Variants in ZFAT observed in about 807,000 individuals in gnomAD.
The protein encoded by ZFAT is zinc finger and AT-hook domain containing, also known as zinc finger protein ZFAT.
ZFAT carries 64 observed loss-of-function variants against 117.7 expected under a neutral mutation model. The observed-to-expected ratio is 0.54, with a 90% confidence interval of 0.44 to 0.67. The LOEUF is 0.67. ZFAT is among the 30% of genes least tolerant of loss of function. ZFAT has a pLI of 0.00. For synonymous variants in ZFAT, 679 were observed against 615.0 expected (o/e 1.10, Z -1.54); for missense variants, 1,433 against 1,584.5 (o/e 0.90, Z 1.62).
chr8:134,763,186 GAT>G, the ZFAT span, among the ~76,000 whole-genome samples: 2 of 152,162 alleles, frequency 1.3e-5, no homozygotes, highest in African/African-American at 4.8e-5. Context: ...ATGTATATCA[GAT>G]ATAACGATGT....
At chr8:134,769,736 G>A in the ZFAT span, among the ~76,000 whole-genome samples, 4 of 152,044 alleles carry the variant, frequency 2.6e-5, no homozygotes, top group Admixed American at 6.6e-5. Context: ...CATGAGCCAC[G>A]CCTCCCCCCA....
intron 12 of ZFAT, among the ~76,000 whole-genome samples, chr8:134,523,987 G>T (rs972846278): frequency 6.6e-6 from 1 of 152,138 alleles, no homozygotes; most frequent in Admixed American, 6.5e-5. Context: ...CACCTTCCTA[G>T]AGCGGGAACT....
intron 15 of ZFAT, among the ~76,000 whole-genome samples, chr8:134,500,881 GTATGAGAACACTTT>G (rs1395514004): frequency 6.6e-6 from 1 of 152,196 alleles, no homozygotes; most frequent in Non-Finnish European, 1.5e-5. Flanking sequence ...GGAATGCCAA[GTATGAGAACACTTT>G]TAAGAGGCTA....
chr8:134,608,941 C>A, intron 4 of ZFAT, 62 bp from the exon 5 acceptor site: 1 of 1,545,962 alleles, frequency 6.5e-7, no homozygotes, highest in African/African-American at 1.4e-5. Flanking sequence ...CTGACCCCAT[C>A]GCAGCAGAGG....
At chr8:134,819,492 T>TCC in the ZFAT span, among the ~76,000 whole-genome samples, 3 of 52,420 alleles carry the variant, frequency 5.7e-5, no homozygotes, top group Admixed American at 1.5e-4. Context: ...CTGCCGGATT[T>TCC]ACCACCCCCC....
chr8:134,534,683 G>A (rs79749018), intron 11 of ZFAT, among the ~76,000 whole-genome samples: 385 of 147,226 alleles, frequency 2.6e-3, no homozygotes, highest in African/African-American at 9.3e-3. Flanking sequence ...GAGGAGGAGA[G>A]AGAGGGGAGA....
intron 11 of ZFAT, among the ~76,000 whole-genome samples, chr8:134,556,507 C>T (rs1180656521): frequency 6.6e-6 from 1 of 151,834 alleles, no homozygotes; most frequent in Non-Finnish European, 1.5e-5. Context: ...ATAAAGGAAA[C>T]CACACCTAGA....
At chr8:134,778,315 G>A in the ZFAT span, among the ~76,000 whole-genome samples, 1 of 152,174 alleles carries the variant, frequency 6.6e-6, no homozygotes, top group Non-Finnish European at 1.5e-5. Flanking sequence ...GTTCCCTAGG[G>A]CTAACTCAGC....
intron 7 of ZFAT, among the ~76,000 whole-genome samples, chr8:134,596,730 G>T (rs981042211): frequency 1.1e-4 from 16 of 152,092 alleles, no homozygotes; most frequent in African/African-American, 3.9e-4. Flanking sequence ...AACCATGGAT[G>T]AATTAAGTGA....
the ZFAT span, among the ~76,000 whole-genome samples, chr8:134,825,744 G>C: frequency 6.6e-6 from 1 of 152,204 alleles, no homozygotes; most frequent in African/African-American, 2.4e-5. Context: ...CCTCAGGCTG[G>C]GCGCGGTGGC....
chr8:134,622,875 C>A (rs983760282), intron 3 of ZFAT, among the ~76,000 whole-genome samples: 4 of 152,096 alleles, frequency 2.6e-5, no homozygotes, highest in Non-Finnish European at 5.9e-5. Context: ...GTTCTGGTGA[C>A]TTCTCTCCCC....
intron 7 of ZFAT, among the ~76,000 whole-genome samples, chr8:134,593,081 C>T (rs1459635497): frequency 2.6e-5 from 4 of 152,082 alleles, no homozygotes; most frequent in African/African-American, 4.8e-5. Flanking sequence ...TGGCCTTGGG[C>T]GAGATGCCCC....
the ZFAT span, among the ~76,000 whole-genome samples, chr8:134,819,496 A>ACCCCCCCCCC: frequency 7.6e-5 from 3 of 39,374 alleles, no homozygotes; most frequent in Non-Finnish European, 9.4e-5. Context: ...CGGATTTACC[A>ACCCCCCCCCC]CCCCCCCCCC....
the ZFAT span, among the ~76,000 whole-genome samples, chr8:134,743,362 G>A: frequency 0.34 from 52,332 of 151,918 alleles, 9,251 homozygotes; most frequent in Admixed American, 0.43. Context: ...GGTGATGGGC[G>A]CCTGTAATAC....
upstream of ZFAT, chr8:134,713,099 T>TC (rs1180162787): frequency 2.4e-6 from 1 of 412,072 alleles, no homozygotes; most frequent in Non-Finnish European, 4.2e-6. Context: ...CGGGTGACCC[T>TC]CCCCCGGCGC....
At chr8:134,485,083 T>C (rs987444443) in intron 15 of ZFAT, among the ~76,000 whole-genome samples, 1 of 152,218 alleles carries the variant, frequency 6.6e-6, no homozygotes, top group Non-Finnish European at 1.5e-5. Flanking sequence ...AGAGTCTACG[T>C]GTATTAGGTA....
chr8:134,563,245 G>A (rs1824177067), intron 11 of ZFAT, among the ~76,000 whole-genome samples: 1 of 152,178 alleles, frequency 6.6e-6, no homozygotes, highest in Non-Finnish European at 1.5e-5. Flanking sequence ...CAGTACGGGT[G>A]GTTTTAAAAA....
intron 3 of ZFAT, 46 bp downstream of exon 3, chr8:134,637,415 C>T (rs1414127608): frequency 1.3e-6 from 2 of 1,574,210 alleles, no homozygotes; most frequent in East Asian, 2.3e-5. Flanking sequence ...AGCAGATACA[C>T]CTCTTCATAA....
the ZFAT span, among the ~76,000 whole-genome samples, chr8:134,802,200 C>G: frequency 1.3e-5 from 2 of 152,134 alleles, no homozygotes; most frequent in Non-Finnish European, 2.9e-5. Context: ...CCACAATTAA[C>G]CAGGCTAGGC....
Sources: gnomAD v4.1 joint callset for allele counts (sites outside exome capture counted in the v4.1 genomes callset) on GRCh38, gnomAD v4.1.1 for gene constraint, MANE v1.5 for transcripts, NCBI Gene and HGNC (gene_info 2026-07-23, HGNC 2026-07-21) for gene names.